Variants in BNC2 observed in about 807,000 individuals in gnomAD.
BNC2 encodes the protein basonuclin zinc finger protein 2.
Under a neutral mutation model 76.3 loss-of-function variants are expected in BNC2, and 20 were observed. The observed-to-expected ratio is 0.26, with a 90% confidence interval of 0.18 to 0.38. The LOEUF (loss-of-function observed/expected upper bound fraction) is 0.38. Among genes scored for constraint, BNC2 ranks in the 10% least tolerant of loss-of-function variants. The pLI is 1.00. For missense variants in BNC2, 1,382 were observed against 1,399.8 expected (o/e 0.99, Z 0.20); for synonymous variants, 582 against 514.8 (o/e 1.13, Z -1.77).
At chr9:16,575,930 G>C (rs1819472214) in intron 4 of BNC2, among the ~76,000 whole-genome samples, 1 of 152,212 alleles carries the variant, frequency 6.6e-6, no homozygotes, top group Non-Finnish European at 1.5e-5. Flanking sequence ...CCACTAGAAA[G>C]ACAAATTCTT....
At chr9:16,851,409 G>C (rs1021132659) in intron 1 of BNC2, among the ~76,000 whole-genome samples, 1 of 152,150 alleles carries the variant, frequency 6.6e-6, no homozygotes, top group South Asian at 2.1e-4. Flanking sequence ...AGGAGGCTGA[G>C]GCAGTAGGAT....
At position 16,462,100 on chromosome 9, in the gene BNC2, C is replaced by A. The variant is rs531944021; in HGVS notation, c.670-24576G>T. On this transcript the variant is annotated intron_variant, in intron 5 of 6. Coordinates refer to ENST00000380672, the MANE Select transcript of BNC2 (RefSeq NM_017637.6). ...ATTTAATGAGTGTCCATTGGCAAGT[C>A]TATGGATTGCTTTTTCCTCAGCCAC... Among the ~76,000 whole-genome samples, 143 of 152,314 alleles carry A rather than the reference C, an allele frequency of 9.4e-4. 1 individual carries two copies. The highest frequency in any genetic ancestry group is 3.3e-3 in the African/African-American group (138 of 41,572).
intron 1 of BNC2, among the ~76,000 whole-genome samples, chr9:16,754,588 C>T (rs966341717): frequency 2.6e-5 from 4 of 151,568 alleles, no homozygotes; most frequent in Non-Finnish European, 4.4e-5. Context: ...GACAGAGTCT[C>T]GCTCTGTTGC....
chr9:16,795,737 T>A, intron 1 of BNC2, among the ~76,000 whole-genome samples: 1 of 152,104 alleles, frequency 6.6e-6, no homozygotes, highest in East Asian at 1.9e-4. Flanking sequence ...GGTGTGAGAT[T>A]TATAGGAACC....
At chr9:16,432,546 T>C (rs16934660) in intron 6 of BNC2, among the ~76,000 whole-genome samples, 8,913 of 152,296 alleles carry the variant, frequency 0.059, 312 homozygotes, top group Middle Eastern at 0.13. Context: ...GTTCGAATCA[T>C]GAAGAAGTCT....
chr9:16,678,300 A>T (rs1822718881), intron 3 of BNC2, among the ~76,000 whole-genome samples: 2 of 78,350 alleles, frequency 2.6e-5, no homozygotes, highest in East Asian at 4.6e-4. Context: ...TTTTTTTGAG[A>T]CAGAGTCTTG....
rs1296414646 is a variant in BNC2, at chr9:16,738,443, T to C, written c.46A>G (p.Lys16Glu). 4.3e-6 allele frequency: 7 copies of C among 1,614,002 alleles called. No individual in the cohort carries two copies. Among genetic ancestry groups the C allele is most frequent in the Admixed American group, 3.3e-5 (2 of 59,996 alleles). Residue 16 changes from lysine (K) to glutamate (E), a missense_variant, in exon 2 of 7, where the codon AAA becomes GAA. By Grantham distance (56) the Lys-to-Glu change is moderately conservative (BLOSUM62 1). Coordinates refer to ENST00000380672, the MANE Select transcript of BNC2 (RefSeq NM_017637.6). ...TGCTCACTAAGCCTGTCCTCTGATT[T>C]GTAATTAAGGCTATGTGGAGGTGGG... ...PTPPPHSLNY[K>E]SEDRLSEQDW...
intron 3 of BNC2, among the ~76,000 whole-genome samples, chr9:16,691,473 C>T (rs978906143): frequency 4.1e-5 from 6 of 148,090 alleles, no homozygotes; most frequent in African/African-American, 1.5e-4. Context: ...AATGAAGTCA[C>T]TTGTACCAGA....
At chr9:16,758,624 C>G (rs1423906998) in intron 1 of BNC2, among the ~76,000 whole-genome samples, 1 of 152,166 alleles carries the variant, frequency 6.6e-6, no homozygotes, top group African/African-American at 2.4e-5. Flanking sequence ...CCACAGCGCC[C>G]AGCCCAAAGT....
rs141889147 is a variant in BNC2 at position 16,629,808 on chromosome 9, C to G, written c.331-46723G>C. ...TAAAAAATGCTAACAATCGTCTGAG[C>G]CTTCAGTGAGGTGTAATCTTTTTGC... On this transcript the variant is annotated intron_variant, in intron 3 of 6. Transcript: ENST00000380672. Among the ~76,000 whole-genome samples the G allele has an allele frequency of 7.0e-4, 106 of 152,266 alleles. 1 individual carries two copies. Among genetic ancestry groups the G allele is most frequent in the Admixed American group, 2.7e-3 (42 of 15,298 alleles).
At position 16,653,022 on chromosome 9, in the gene BNC2, T is replaced by A. The variant is rs979228354; in HGVS notation, c.331-69937A>T. 3.9e-5 allele frequency among the ~76,000 whole-genome samples: 6 copies of A among 152,282 alleles called. No homozygotes were observed. In the East Asian group the frequency reaches 1.2e-3, roughly 29 times the overall value. ...TGATTTCAAAATGTTGGCGGTTATA[T>A]GTTTCTATTTATATTAGATGATCTC... On this transcript the variant is annotated intron_variant, in intron 3 of 6. Transcript: ENST00000380672.
At chr9:16,755,148 T>C (rs562029736) in intron 1 of BNC2, among the ~76,000 whole-genome samples, 13 of 152,278 alleles carry the variant, frequency 8.5e-5, no homozygotes, top group Admixed American at 5.9e-4. Context: ...CTAGAAGTTA[T>C]GTGTGGAAAT....
intron 3 of BNC2, among the ~76,000 whole-genome samples, chr9:16,659,248 C>T (rs941354731): frequency 1.3e-5 from 2 of 152,150 alleles, no homozygotes; most frequent in Non-Finnish European, 1.5e-5. Flanking sequence ...TGTAAAAGGG[C>T]TCTCCGTTTC....
At chr9:16,760,699 A>G (rs1473682022) in intron 1 of BNC2, among the ~76,000 whole-genome samples, 2 of 152,192 alleles carry the variant, frequency 1.3e-5, no homozygotes, top group Non-Finnish European at 2.9e-5. Flanking sequence ...AAAAATCATC[A>G]TAGTCCAATG....
At chr9:16,511,744 T>A (rs889998230) in intron 5 of BNC2, among the ~76,000 whole-genome samples, 1 of 152,080 alleles carries the variant, frequency 6.6e-6, no homozygotes, top group Admixed American at 6.5e-5. Context: ...AAATATACTC[T>A]TAACCTAACT....
chr9:16,765,087 A>AG (rs1168725651), intron 1 of BNC2, among the ~76,000 whole-genome samples: 1 of 152,216 alleles, frequency 6.6e-6, no homozygotes, highest in Non-Finnish European at 1.5e-5. Flanking sequence ...CAAGGGATGA[A>AG]GCAGCTAAGG....
At chr9:16,501,470 A>T (rs944526030) in intron 5 of BNC2, among the ~76,000 whole-genome samples, 1 of 152,188 alleles carries the variant, frequency 6.6e-6, no homozygotes, top group Non-Finnish European at 1.5e-5. Context: ...CCACTCAGTG[A>T]GATGGATGGA....
chr9:16,471,707 C>T (rs908118287), intron 5 of BNC2, among the ~76,000 whole-genome samples: 1 of 152,110 alleles, frequency 6.6e-6, no homozygotes, highest in Non-Finnish European at 1.5e-5. Flanking sequence ...CTTTGGGGGA[C>T]TGCTGGGAAG....
rs554324044 is a variant in BNC2 at position 16,863,258 on chromosome 9, G to C, written c.3+7388C>G. ...CAGTACTTCCGCCCGCTGGCCAAAA[G>C]GCTGGGGCATAGCCCTAGGATAGGA... On this transcript the variant is annotated intron_variant, in intron 1 of 6. Transcript: ENST00000380672. Among the ~76,000 whole-genome samples the C allele has an allele frequency of 4.9e-3, 746 of 152,288 alleles. 5 individuals are homozygous for C. The highest frequency in any genetic ancestry group is 7.5e-3 in the Non-Finnish European group (510 of 68,018).
Sources: allele counts gnomAD v4.1 joint callset (sites outside exome capture counted in the v4.1 genomes callset), GRCh38; gene constraint gnomAD v4.1.1; transcripts MANE v1.5; gene names NCBI Gene and HGNC (gene_info 2026-07-23, HGNC 2026-07-21).